Variants in ABCA13 observed in about 807,000 individuals in gnomAD.
ABCA13 encodes ATP-binding cassette sub-family A member 13.
Under a neutral mutation model 478.7 loss-of-function variants are expected in ABCA13, and 476 were observed. The observed-to-expected ratio is 0.99, with a 90% confidence interval of 0.92 to 1.07. The LOEUF is 1.07. ABCA13 is among the 50% of genes least tolerant of loss of function. ABCA13 has a pLI of 0.00. For missense variants in ABCA13, 6,060 were observed against 5,910.6 expected (o/e 1.03, Z -0.83); for synonymous variants, 2,252 against 2,158.9 (o/e 1.04, Z -1.20).
chr7:48,458,923 T>G (rs2129882957), intron 43 of ABCA13, among the ~76,000 whole-genome samples: 1 of 152,248 alleles, frequency 6.6e-6, no homozygotes, highest in Admixed American at 6.5e-5. Context: ...GCACATTGAC[T>G]TTATAGACTG....
Position 48,314,366 on chromosome 7 carries a change from C to G in ABCA13, c.9816C>G (p.Leu3272=). The change falls in exon 26 of 62, where the codon CTC becomes CTG. Residue 3272 remains leucine (L), a synonymous_variant. Coordinates refer to ENST00000435803, the MANE Select transcript of ABCA13 (RefSeq NM_152701.5). ...MFINLPRVKE[L]LEDDKEKFNI... Reference sequence around the variant, plus strand: ...TTAATTTGCCCAGAGTTAAGGAACTCTTGGAAGATGACAAAGAAAAATTCA... The same window carrying G: ...TTAATTTGCCCAGAGTTAAGGAACTGTTGGAAGATGACAAAGAAAAATTCA... 1 of 1,607,114 alleles carries G rather than the reference C, an allele frequency of 6.2e-7. No individual in the cohort carries two copies. The highest frequency in any genetic ancestry group is 1.1e-5 in the South Asian group (1 of 89,872).
chr7:48,409,926 C>CA (rs58737850), intron 39 of ABCA13, among the ~76,000 whole-genome samples: 27,039 of 123,982 alleles, frequency 0.22, 2,895 homozygotes, highest in East Asian at 0.23. Flanking sequence ...CTAAAAATAC[C>CA]AAAAAAAAAA....
chr7:48,508,481 G>A (rs1401215861), intron 50 of ABCA13, among the ~76,000 whole-genome samples: 1 of 151,898 alleles, frequency 6.6e-6, no homozygotes, highest in Non-Finnish European at 1.5e-5. Flanking sequence ...TTTTTGGAAT[G>A]CACTCAGTTT....
chr7:48,559,148 A>G (rs1417451520), intron 55 of ABCA13, among the ~76,000 whole-genome samples: 1 of 152,186 alleles, frequency 6.6e-6, no homozygotes, highest in Non-Finnish European at 1.5e-5. Flanking sequence ...GGCTGGACCC[A>G]GAGAAGCTGT....
intron 39 of ABCA13, among the ~76,000 whole-genome samples, chr7:48,409,940 A>C (rs1818767433): frequency 6.6e-6 from 1 of 151,374 alleles, no homozygotes; most frequent in Non-Finnish European, 1.5e-5. Context: ...AAAAAAAAAA[A>C]AAAATTAGCC....
chr7:48,508,129 A>C lies in ABCA13; in HGVS notation c.13524+80A>C, dbSNP rs1386576354. On this transcript the variant is annotated intron_variant, in intron 50 of 61. Coordinates refer to ENST00000435803, the MANE Select transcript of ABCA13 (RefSeq NM_152701.5). ...CGTGTATGGAGGGATGGAGGGGGGC[A>C]TTGGGGCCCTGGCTGCCTTGGAGTG... is the stretch of plus-strand genomic sequence containing the variant. The C allele has an allele frequency of 5.7e-6, 9 of 1,581,558 alleles. No homozygotes were observed. The African/African-American group carries it at 9.4e-5, about 17-fold the overall frequency.
rs1796095596 is a variant in ABCA13 at position 48,274,916 on chromosome 7, T to TA, written c.5250_5251insA (p.Pro1751ThrfsTer13). The stretch of plus-strand genomic sequence containing the variant: ...CTGTGATAGATGTGTACTATGTGCT[T>TA]CCTCATGCTGTAAGGCTCCTGCAGG... On this transcript the variant is annotated frameshift_variant, in exon 17 of 62. Coordinates refer to ENST00000435803, the MANE Select transcript of ABCA13 (RefSeq NM_152701.5). LOFTEE classifies it high-confidence loss of function. The TA allele has an allele frequency of 6.2e-7, 1 of 1,613,824 alleles. No homozygotes were observed. The highest frequency in any genetic ancestry group is 2.2e-5 in the East Asian group (1 of 44,898).
chr7:48,413,060 C>T (rs1463960041), intron 41 of ABCA13, among the ~76,000 whole-genome samples: 2 of 152,158 alleles, frequency 1.3e-5, no homozygotes, highest in African/African-American at 2.4e-5. Context: ...ATCCGCCCGC[C>T]TCAGCCTCCC....
chr7:48,555,118 G>T (rs1784993514), intron 55 of ABCA13, among the ~76,000 whole-genome samples: 1 of 151,610 alleles, frequency 6.6e-6, no homozygotes, highest in Non-Finnish European at 1.5e-5. Context: ...TCATTCTGTT[G>T]TTATGATGTA....
chr7:48,447,218 C>T (rs1824416078), intron 42 of ABCA13, among the ~76,000 whole-genome samples: 2 of 152,310 alleles, frequency 1.3e-5, no homozygotes, highest in African/African-American at 2.4e-5. Flanking sequence ...GCAACTTTCA[C>T]TAACATATCT....
intron 59 of ABCA13, among the ~76,000 whole-genome samples, chr7:48,636,587 T>G (rs957607731): frequency 3.3e-5 from 5 of 152,204 alleles, no homozygotes; most frequent in African/African-American, 1.2e-4. Context: ...CAGTCCTGCC[T>G]GGGCATGTGC....
intron 52 of ABCA13, 138 bp downstream of exon 52, chr7:48,517,019 G>T: frequency 1.0e-6 from 1 of 975,166 alleles, no homozygotes; most frequent in Middle Eastern, 2.2e-4. Flanking sequence ...AAACTCCAGA[G>T]AGATAAATGG....
intron 59 of ABCA13, among the ~76,000 whole-genome samples, chr7:48,616,836 C>A (rs1792622222): frequency 6.6e-6 from 1 of 152,212 alleles, no homozygotes; most frequent in Middle Eastern, 3.4e-3. Context: ...GCCTGAGCAA[C>A]ATAGTGAGAC....
chr7:48,289,241 CT>C (rs1243469524), intron 20 of ABCA13, among the ~76,000 whole-genome samples: 1 of 151,822 alleles, frequency 6.6e-6, no homozygotes, highest in African/African-American at 2.4e-5. Flanking sequence ...CAATGATTGA[CT>C]TTACAACCCC....
intron 55 of ABCA13, among the ~76,000 whole-genome samples, chr7:48,565,576 A>C (rs538962407): frequency 6.6e-6 from 1 of 152,206 alleles, no homozygotes; most frequent in African/African-American, 2.4e-5. Flanking sequence ...CTTTCAAAGA[A>C]GATAAGGCCG....
intron 14 of ABCA13, among the ~76,000 whole-genome samples, chr7:48,248,954 T>C (rs1427046165): frequency 2.6e-5 from 4 of 152,126 alleles, no homozygotes; most frequent in African/African-American, 9.7e-5. Flanking sequence ...AATTTTCCTC[T>C]TTTTTTGTCC....
At chr7:48,245,801 C>T (rs940156486) in intron 12 of ABCA13, 62 bp from the exon 13 acceptor site, 1 of 1,507,434 alleles carries the variant, frequency 6.6e-7, no homozygotes, top group African/African-American at 1.4e-5. Flanking sequence ...TTCTTGAGCC[C>T]ATGAAGAGGG....
intron 27 of ABCA13, among the ~76,000 whole-genome samples, chr7:48,329,218 C>T (rs1009384363): frequency 1.3e-5 from 2 of 152,148 alleles, no homozygotes; most frequent in Non-Finnish European, 2.9e-5. Context: ...CTCAGGGGGT[C>T]CACATTGAAG....
rs532098587 is a variant in ABCA13 at position 48,403,763 on chromosome 7, C to T, written c.11954C>T (p.Ser3985Phe). 1 of 1,614,002 alleles carries T rather than the reference C, an allele frequency of 6.2e-7. No homozygotes were observed. Among genetic ancestry groups the T allele is most frequent in the East Asian group, 2.2e-5 (1 of 44,882 alleles). ...TCTGGAGGCCTGAAGAGGAAGCTCT[C>T]CCTTGGCATTGCTTTCATGGGCATG... ...ALSGGLKRKLSLGIAFMGMSR... is the reference protein window; with the variant it reads ...ALSGGLKRKLFLGIAFMGMSR... Residue 3985 changes from serine to phenylalanine, a missense_variant, in exon 39 of 62, where the codon TCC becomes TTC. Around this residue, in one of 3 missense-constraint regions of ABCA13, gnomAD observed 1,627 missense variants for 1,571.0 expected, o/e 1.04. Transcript: ENST00000435803.
Sources: allele counts gnomAD v4.1 joint callset (sites outside exome capture counted in the v4.1 genomes callset), GRCh38; gene constraint gnomAD v4.1.1; regional missense constraint gnomAD v4.1.1; transcripts MANE v1.5; gene names NCBI Gene and HGNC (gene_info 2026-07-23, HGNC 2026-07-21).